The following NDUFS4 variants were observed in gnomAD, a reference collection of about 807,000 sequenced individuals.
NDUFS4 encodes NADH dehydrogenase [ubiquinone] iron-sulfur protein 4, mitochondrial.
Under a neutral mutation model 24.3 loss-of-function variants are expected in NDUFS4, and 28 were observed. The ratio of observed to expected loss-of-function variants is 1.15; its 90% CI spans 0.85 to 1.58. The LOEUF (loss-of-function observed/expected upper bound fraction) is 1.58, where lower values mean the gene tolerates loss of function less well. Among genes scored for constraint, NDUFS4 ranks in the 40% most tolerant of loss-of-function variants. The probability of loss-of-function intolerance (pLI) is 0.00; values close to 1 mark genes in which losing one functional copy is unlikely to be tolerated. For missense variants in NDUFS4, 223 were observed against 207.9 expected (o/e 1.07, Z -0.45); for synonymous variants, 93 against 69.7 (o/e 1.34, Z -1.67).
intron 1 of NDUFS4, among the ~76,000 whole-genome samples, chr5:53,579,568 T>C (rs1444243263): frequency 2.0e-5 from 3 of 152,170 alleles, no homozygotes; most frequent in Non-Finnish European, 2.9e-5. Flanking sequence ...AATAAAAATT[T>C]AGCTAGGTGT....
At chr5:53,586,279 A>C (rs115829069) in intron 1 of NDUFS4, among the ~76,000 whole-genome samples, 23,879 of 150,002 alleles carry the variant, frequency 0.16, 1,894 homozygotes, top group Middle Eastern at 0.19. Flanking sequence ...CAGTGAGCCG[A>C]GATCACGCCA....
At chr5:53,642,845 T>C (rs541491669) in intron 2 of NDUFS4, among the ~76,000 whole-genome samples, 102 of 152,260 alleles carry the variant, frequency 6.7e-4, no homozygotes, top group Middle Eastern at 3.4e-3. Context: ...GTTGAAGATA[T>C]GGTGTTGAAA....
intron 2 of NDUFS4, among the ~76,000 whole-genome samples, chr5:53,609,417 T>C (rs1249938806): frequency 6.6e-6 from 1 of 152,170 alleles, no homozygotes; most frequent in Non-Finnish European, 1.5e-5. Context: ...GCAGTAGATA[T>C]TGACACTGGG....
At chr5:53,664,437 G>A (rs1268447189) in intron 4 of NDUFS4, among the ~76,000 whole-genome samples, 1 of 152,146 alleles carries the variant, frequency 6.6e-6, no homozygotes, top group African/African-American at 2.4e-5. Context: ...TTCCAACTTG[G>A]TTCCATTCTC....
In NDUFS4 at chr5:53,594,866, C is replaced by T. The variant is rs73754263; in HGVS notation, c.99-8586C>T. Among the ~76,000 whole-genome samples, 1,105 of 126,878 alleles carry T rather than the reference C, an allele frequency of 8.7e-3. 14 individuals carry two copies. Among genetic ancestry groups the T allele is most frequent in the African/African-American group, 0.035 (1,056 of 30,408 alleles). The allele number at this position is 126,878 out of a possible 152,430, so 83.2% of individuals were successfully genotyped here. ...ACATTGCATTTGTATATACGTATGTCTGTGTTTGTGTGTGTGTGTGTGTGT... is the reference window on the plus strand; with the variant it reads ...ACATTGCATTTGTATATACGTATGTTTGTGTTTGTGTGTGTGTGTGTGTGT... On this transcript the variant is annotated intron_variant, in intron 1 of 4. Transcript: ENST00000296684.
chr5:53,680,004 A>G (rs1361403959), intron 4 of NDUFS4, among the ~76,000 whole-genome samples: 2 of 152,160 alleles, frequency 1.3e-5, no homozygotes, highest in Admixed American at 1.3e-4. Flanking sequence ...ATATTTTTTC[A>G]AATAAAAGGA....
intron 1 of NDUFS4, among the ~76,000 whole-genome samples, chr5:53,593,403 GTC>G (rs141885291): frequency 9.9e-4 from 144 of 144,962 alleles, no homozygotes; most frequent in Non-Finnish European, 9.7e-4. Context: ...TTAGGGCTTT[GTC>G]TCTCTCTCTC....
At chr5:53,563,977 A>G (rs1003737230) in intron 1 of NDUFS4, among the ~76,000 whole-genome samples, 1 of 152,218 alleles carries the variant, frequency 6.6e-6, no homozygotes, top group Admixed American at 6.5e-5. Context: ...AAGTGTGTTC[A>G]TGTATACTTA....
intron 1 of NDUFS4, among the ~76,000 whole-genome samples, chr5:53,566,346 C>G (rs1749024499): frequency 6.6e-6 from 1 of 152,056 alleles, no homozygotes; most frequent in Admixed American, 6.6e-5. Context: ...AAACATGTCC[C>G]TTGGTAGAAG....
intron 2 of NDUFS4, among the ~76,000 whole-genome samples, chr5:53,637,210 CCA>C (rs139184779): frequency 1.1e-5 from 1 of 93,124 alleles, no homozygotes. Flanking sequence ...TTTGAGGTCC[CCA>C]AGTATCCTGA....
intron 3 of NDUFS4, among the ~76,000 whole-genome samples, chr5:53,652,311 T>A (rs1404181506): frequency 1.3e-5 from 2 of 152,150 alleles, no homozygotes; most frequent in African/African-American, 2.4e-5. Flanking sequence ...AAAGGACATA[T>A]TTCATTGAGC....
intron 1 of NDUFS4, among the ~76,000 whole-genome samples, chr5:53,598,512 G>A (rs1034633036): frequency 1.3e-5 from 2 of 152,064 alleles, no homozygotes; most frequent in South Asian, 2.1e-4. Context: ...GTCATCACTA[G>A]AAGAAACTTT....
chr5:53,596,158 C>T (rs993193985), intron 1 of NDUFS4, among the ~76,000 whole-genome samples: 3 of 151,946 alleles, frequency 2.0e-5, no homozygotes, highest in Non-Finnish European at 2.9e-5. Flanking sequence ...AGGCTGGGCT[C>T]GGTGTCTCAC....
At chr5:53,595,180 T>TA (rs551082048) in intron 1 of NDUFS4, among the ~76,000 whole-genome samples, 96 of 152,196 alleles carry the variant, frequency 6.3e-4, no homozygotes, top group Non-Finnish European at 1.1e-3. Context: ...AGTAGTCTGT[T>TA]ACCTGGCAAG....
In NDUFS4 at chr5:53,646,843, A is replaced by T. The variant is rs78213167; in HGVS notation, c.350+438A>T. On this transcript the variant is annotated intron_variant, in intron 3 of 4. Coordinates refer to ENST00000296684, the MANE Select transcript of NDUFS4 (RefSeq NM_002495.4). ...TAATTGTTCAATTTTATTACAACTT[A>T]TTGTTAATTTCTTACTATGCCTAAT... Among the ~76,000 whole-genome samples, 366 of 152,288 alleles carry T rather than the reference A, an allele frequency of 2.4e-3. 1 individual carries two copies. The highest frequency in any genetic ancestry group is 8.5e-3 in the African/African-American group (355 of 41,584).
At chr5:53,603,418 G>A in intron 1 of NDUFS4, 34 bp from the exon 2 acceptor site, 2 of 1,535,640 alleles carry the variant, frequency 1.3e-6, no homozygotes, top group Non-Finnish European at 1.8e-6. Flanking sequence ...CTCATTGCCT[G>A]GATCCTTTTT....
chr5:53,671,612 G>T lies in NDUFS4; in HGVS notation c.425-11506G>T, dbSNP rs1235290584. Among the ~76,000 whole-genome samples, 21 of 152,134 alleles carry T rather than the reference G, an allele frequency of 1.4e-4. 1 individual carries two copies. The highest frequency in any genetic ancestry group is 5.9e-5 in the Non-Finnish European group (4 of 68,016). ...TGAAATGTAGATGAACCTCACTTCA[G>T]TTCTTTGTGTACTAAAAAGACCCAC... On this transcript the variant is annotated intron_variant, in intron 4 of 4. Coordinates refer to ENST00000296684, the MANE Select transcript of NDUFS4 (RefSeq NM_002495.4).
At chr5:53,636,473 A>G (rs1026452115) in intron 2 of NDUFS4, among the ~76,000 whole-genome samples, 5 of 152,238 alleles carry the variant, frequency 3.3e-5, no homozygotes, top group African/African-American at 9.6e-5. Context: ...TTTGTAGGTA[A>G]ATAACAAAAC....
chr5:53,599,102 G>GTCATTGT (rs1182481352), intron 1 of NDUFS4, among the ~76,000 whole-genome samples: 5 of 152,156 alleles, frequency 3.3e-5, no homozygotes, highest in Non-Finnish European at 5.9e-5. Flanking sequence ...TTACACATTA[G>GTCATTGT]TCATTGTTTC....
Sources: gnomAD v4.1 joint callset for allele counts (sites outside exome capture counted in the v4.1 genomes callset) on GRCh38, gnomAD v4.1.1 for gene constraint, MANE v1.5 for transcripts, NCBI Gene and HGNC (gene_info 2026-07-23, HGNC 2026-07-21) for gene names.